The following DNAJC6 variants were observed in gnomAD, a reference collection of about 807,000 sequenced individuals.
DNAJC6 encodes the protein DnaJ heat shock protein family (Hsp40) member C6.
In DNAJC6, 34 loss-of-function variants were observed where a neutral mutation model predicts 110.0. The ratio of observed to expected loss-of-function variants is 0.31; its 90% confidence interval spans 0.24 to 0.41. The LOEUF (loss-of-function observed/expected upper bound fraction) is 0.41, where lower values mean the gene tolerates loss of function less well. Ranked by LOEUF, DNAJC6 falls within the 10% of genes least tolerant of loss-of-function variation. The probability of loss-of-function intolerance (pLI) is 1.00; values close to 1 mark genes in which losing one functional copy is unlikely to be tolerated. For synonymous variants in DNAJC6, 406 were observed against 437.2 expected (o/e 0.93, Z 0.89); for missense variants, 1,031 against 1,207.8 (o/e 0.85, Z 2.17).
At position 65,394,967 on chromosome 1, in the gene DNAJC6, A is replaced by G. The variant is rs1645962873; in HGVS notation, c.1973A>G (p.Asn658Ser). Residue 658 changes from asparagine (N) to serine (S), a missense_variant, in exon 13 of 19, where the codon AAC becomes AGC. Coordinates refer to ENST00000371069, the MANE Select transcript of DNAJC6 (RefSeq NM_001256864.2). Reference sequence around the variant, plus strand: ...CAGGATTTGCTGGGTTCTTTTCTGAACACATCCAGTGCTTCCAGTGACCCC... The same window carrying G: ...CAGGATTTGCTGGGTTCTTTTCTGAGCACATCCAGTGCTTCCAGTGACCCC... ...SGQDLLGSFL[N>S]TSSASSDPFL... The G allele has an allele frequency of 6.2e-7, 1 of 1,612,748 alleles. No individual in the cohort carries two copies. Among genetic ancestry groups the G allele is most frequent in the South Asian group, 1.1e-5 (1 of 90,668 alleles).
intron 1 of DNAJC6, among the ~76,000 whole-genome samples, chr1:65,325,670 A>G (rs1645235446): frequency 2.6e-5 from 4 of 152,374 alleles, no homozygotes; most frequent in South Asian, 4.1e-4. Context: ...AGCCTTAGCC[A>G]GACTCTGAGT....
intron 1 of DNAJC6, among the ~76,000 whole-genome samples, chr1:65,336,302 G>T (rs571694674): frequency 6.6e-6 from 1 of 152,056 alleles, no homozygotes; most frequent in East Asian, 1.9e-4. Flanking sequence ...GAGAACAGGA[G>T]CATGGGGGTA....
Position 65,359,075 on chromosome 1 carries a change from T to C in DNAJC6, c.194-5560T>C, listed in dbSNP as rs907847144. Among the ~76,000 whole-genome samples the C allele has an allele frequency of 2.0e-5, 3 of 152,366 alleles. No individual in the cohort carries two copies. The East Asian group carries it at 5.8e-4, about 29-fold the overall frequency. On this transcript the variant is annotated intron_variant, in intron 1 of 18. Transcript: ENST00000371069. ...ATGTTTATGAAAAGCAGCCACACTT[T>C]TTTATATTTTCAGTTACATTAAGGC...
intron 1 of DNAJC6, among the ~76,000 whole-genome samples, chr1:65,322,319 AT>A (rs1024023465): frequency 6.6e-6 from 1 of 151,972 alleles, no homozygotes; most frequent in African/African-American, 2.4e-5. Flanking sequence ...ATAAAAATCC[AT>A]TTTTTTCTAT....
intron 1 of DNAJC6, among the ~76,000 whole-genome samples, chr1:65,285,832 C>T (rs556203660): frequency 1.5e-4 from 23 of 152,026 alleles, no homozygotes; most frequent in Non-Finnish European, 2.8e-4. Flanking sequence ...ACCACCACAC[C>T]GGCTAATTTT....
At chr1:65,326,407 G>A (rs1383533979) in intron 1 of DNAJC6, among the ~76,000 whole-genome samples, 1 of 152,226 alleles carries the variant, frequency 6.6e-6, no homozygotes, top group Non-Finnish European at 1.5e-5. Context: ...TGAAGGATGG[G>A]TAGGATTTGA....
chr1:65,361,897 TACAC>T (rs1204187225), intron 1 of DNAJC6, among the ~76,000 whole-genome samples: 9 of 152,214 alleles, frequency 5.9e-5, no homozygotes, highest in Admixed American at 5.9e-4. Flanking sequence ...GGGTAATTGA[TACAC>T]ACATTAATTG....
intron 4 of DNAJC6, among the ~76,000 whole-genome samples, chr1:65,368,585 CTCTTCTTCT>C (rs71895115): frequency 2.8e-5 from 4 of 145,074 alleles, no homozygotes; most frequent in African/African-American, 1.1e-4. Context: ...CTTCTTCCTC[CTCTTCTTCT>C]TCTTCTTCTT....
chr1:65,266,351 G>T (rs552326633), intron 1 of DNAJC6, among the ~76,000 whole-genome samples: 1 of 152,268 alleles, frequency 6.6e-6, no homozygotes, highest in African/African-American at 2.4e-5. Context: ...TGTAATGAAG[G>T]CTCTTAAACA....
intron 1 of DNAJC6, among the ~76,000 whole-genome samples, chr1:65,360,590 G>T (rs1235624895): frequency 6.6e-6 from 1 of 152,164 alleles, no homozygotes; most frequent in Non-Finnish European, 1.5e-5. Context: ...AACATTTTAT[G>T]CTGCTCTATC....
chr1:65,402,017 G>A (rs1357170402), intron 15 of DNAJC6, 137 bp downstream of exon 15: 18 of 1,216,504 alleles, frequency 1.5e-5, no homozygotes, highest in Non-Finnish European at 2.0e-5. Flanking sequence ...GCTATCCTCT[G>A]AAACCTGAGA....
intron 1 of DNAJC6, among the ~76,000 whole-genome samples, chr1:65,319,621 G>C (rs1030566423): frequency 2.0e-4 from 30 of 151,008 alleles, no homozygotes; most frequent in Admixed American, 9.2e-4. Flanking sequence ...GAATTCTCTG[G>C]AAAAAATAAA....
chr1:65,367,520 T>G (rs1645658364), intron 4 of DNAJC6, among the ~76,000 whole-genome samples: 1 of 152,192 alleles, frequency 6.6e-6, no homozygotes, highest in South Asian at 2.1e-4. Flanking sequence ...TTTTCTTGAC[T>G]GGAGGCTAAG....
rs967354344 is a variant in DNAJC6, at chr1:65,406,816, A to C, written c.2491+683A>C. Among the ~76,000 whole-genome samples, 28 of 152,308 alleles carry C rather than the reference A, an allele frequency of 1.8e-4. 1 individual carries two copies. Among genetic ancestry groups the C allele is most frequent in the Admixed American group, 1.4e-3 (21 of 15,304 alleles). ...TTAAAAGCCTATTTTGGTACATTTTATATTTCAGCTGATTTTGTCAGACCC... is the reference window on the plus strand; with the variant it reads ...TTAAAAGCCTATTTTGGTACATTTTCTATTTCAGCTGATTTTGTCAGACCC... On this transcript the variant is annotated intron_variant, in intron 16 of 18. Transcript: ENST00000371069.
intron 4 of DNAJC6, among the ~76,000 whole-genome samples, 160 bp downstream of exon 4, chr1:65,366,356 T>G (rs1645646609): frequency 6.6e-6 from 1 of 152,198 alleles, no homozygotes; most frequent in Admixed American, 6.5e-5. Flanking sequence ...TGCTATGAGA[T>G]ATCCTAAAGA....
chr1:65,411,242 G>T lies in DNAJC6; in HGVS notation c.2635-8G>T, dbSNP rs753546450. ...ATTTGAATTTCTTAATCCCCTTTGT[G>T]TTTACAGATTCTGGAATGGATTGAA... On this transcript the variant is annotated splice_polypyrimidine_tract_variant and splice_region_variant and intron_variant, in intron 17 of 18. Coordinates refer to ENST00000371069, the MANE Select transcript of DNAJC6 (RefSeq NM_001256864.2). 6.2e-7 allele frequency: 1 copy of T among 1,610,426 alleles called. No individual in the cohort carries two copies. The highest frequency in any genetic ancestry group is 1.7e-5 in the Admixed American group (1 of 59,878).
At chr1:65,380,753 A>G (rs998485155) in intron 5 of DNAJC6, among the ~76,000 whole-genome samples, 9 of 152,246 alleles carry the variant, frequency 5.9e-5, no homozygotes, top group Non-Finnish European at 1.3e-4. Flanking sequence ...TAAAAACCCA[A>G]TGAAGAAGAA....
At chr1:65,311,220 T>TTG (rs1398162253) in intron 1 of DNAJC6, among the ~76,000 whole-genome samples, 1 of 117,516 alleles carries the variant, frequency 8.5e-6, no homozygotes, top group Non-Finnish European at 1.6e-5. Flanking sequence ...GGACTGTTTT[T>TTG]TTTTTTTTTT....
intron 14 of DNAJC6, among the ~76,000 whole-genome samples, chr1:65,399,549 A>C (rs1296448596): frequency 6.6e-6 from 1 of 152,180 alleles, no homozygotes; most frequent in Non-Finnish European, 1.5e-5. Context: ...CCTTCCCCAC[A>C]ACGTAACATT....
Sources: allele counts gnomAD v4.1 joint callset (sites outside exome capture counted in the v4.1 genomes callset), GRCh38; gene constraint gnomAD v4.1.1; transcripts MANE v1.5; gene names NCBI Gene and HGNC (gene_info 2026-07-23, HGNC 2026-07-21).